Variants in BUD13 observed in about 807,000 individuals in gnomAD.
BUD13 encodes the protein BUD13 spliceosome associated protein, also known as BUD13 homolog.
A neutral mutation model predicts 62.5 loss-of-function variants in BUD13; 47 were observed. The ratio of observed to expected loss-of-function variants is 0.75; its 90% CI spans 0.60 to 0.96. The LOEUF is 0.96. BUD13 is among the 40% of genes least tolerant of loss of function. BUD13 has a pLI of 0.00. For synonymous variants in BUD13, 293 were observed against 280.1 expected, an observed-to-expected ratio of 1.05 and a Z score of -0.46; for missense variants, 821 against 790.9, an observed-to-expected ratio of 1.04 and a Z score of -0.46.
chr11:116,769,029 A>C (rs975679082), intron 2 of BUD13, among the ~76,000 whole-genome samples: 2 of 151,888 alleles, frequency 1.3e-5, no homozygotes, highest in East Asian at 3.9e-4. Context: ...AAAAAAAAAA[A>C]AAAAGAATTT....
intron 9 of BUD13, among the ~76,000 whole-genome samples, chr11:116,754,612 C>T (rs1940293482): frequency 6.6e-6 from 1 of 152,046 alleles, no homozygotes; most frequent in East Asian, 1.9e-4. Flanking sequence ...CTACAAAAAA[C>T]CTATACAGCT....
intron 9 of BUD13, among the ~76,000 whole-genome samples, chr11:116,752,341 G>A (rs967566336): frequency 3.3e-5 from 5 of 151,842 alleles, no homozygotes; most frequent in Non-Finnish European, 7.4e-5. Context: ...CCTTGCAGCA[G>A]GCCGAAAAGA....
intron 7 of BUD13, 75 bp downstream of exon 7, chr11:116,758,194 G>A: frequency 6.3e-7 from 1 of 1,575,802 alleles, no homozygotes; most frequent in Non-Finnish European, 8.6e-7. Context: ...ATAAGAAAGT[G>A]AGTGATCAGA....
intron 9 of BUD13, among the ~76,000 whole-genome samples, chr11:116,749,617 G>A (rs1940198908): frequency 6.6e-6 from 1 of 152,222 alleles, no homozygotes; most frequent in Middle Eastern, 3.2e-3. Flanking sequence ...GCTGGAACCT[G>A]AAGTATGACA....
At position 116,772,872 on chromosome 11, in the gene BUD13, A is replaced by T. The variant is rs778235448; in HGVS notation, c.93T>A (p.Gly31=). 5.7e-6 allele frequency: 9 copies of T among 1,591,896 alleles called. No individual in the cohort carries two copies. The highest frequency in any genetic ancestry group is 7.7e-6 in the Non-Finnish European group (9 of 1,170,578). ...TCGGCCGCTTTTTGCGACGCTTGCG[A>T]CCGGACTCAGATCCCCGGTCGACGC... is the stretch of plus-strand genomic sequence containing the variant. ...DAGVDRGSES[G]RKRRKKRPKP... is the part of the protein sequence containing the mutation. Residue 31 remains glycine (G), a synonymous_variant, in exon 1 of 10, where the codon GGT becomes GGA. Transcript: ENST00000260210.
Position 116,760,768 on chromosome 11 carries a change from G to C in BUD13, c.1221C>G (p.Ser407=). The part of the protein sequence containing the change: ...QRTKSSDSDL[S]PPRRSQPPGK... ...CAGGAGGCTGACTCCTTCGAGGCGG[G>C]GACAGGTCAGAATCAGAAGATTTGG... The change falls in exon 5 of 10, where the codon TCC becomes TCG. Residue 407 remains serine (S), a synonymous_variant. Transcript: ENST00000260210. 1 of 1,614,136 alleles carries C rather than the reference G, an allele frequency of 6.2e-7. No homozygotes were observed. Among genetic ancestry groups the C allele is most frequent in the Non-Finnish European group, 8.5e-7 (1 of 1,180,026 alleles).
chr11:116,760,281 C>T (rs902925897), intron 5 of BUD13, among the ~76,000 whole-genome samples: 1 of 152,188 alleles, frequency 6.6e-6, no homozygotes. Flanking sequence ...GTAGGTACTA[C>T]TATTATCCAC....
intron 2 of BUD13, among the ~76,000 whole-genome samples, chr11:116,767,868 A>T (rs1159067071): frequency 6.6e-6 from 1 of 151,584 alleles, no homozygotes; most frequent in African/African-American, 2.4e-5. Flanking sequence ...AGCTACGTGC[A>T]GGACTAAGGT....
At chr11:116,770,325 G>T (rs1250120792) in intron 1 of BUD13, 103 bp from the exon 2 acceptor site, 2 of 924,366 alleles carry the variant, frequency 2.2e-6, no homozygotes, top group African/African-American at 1.7e-5. Context: ...ACAGGATCCT[G>T]CATGGTCCAG....
In BUD13 at chr11:116,748,359, G is replaced by A. The variant is rs1217814655; in HGVS notation, c.*123C>T. ...CGAATATTCTTCTGTGGTCAAAACT[G>A]GCATTCAACAAGTTGCTGGTCTGTG... is the stretch of plus-strand genomic sequence containing the variant. On this transcript the variant is annotated 3_prime_UTR_variant, in exon 10 of 10. Coordinates refer to ENST00000260210, the MANE Select transcript of BUD13 (RefSeq NM_032725.4). The A allele has an allele frequency of 1.3e-6, 1 of 780,656 alleles. No individual in the cohort carries two copies. 48.4% of individuals were successfully genotyped at this position (780,656 alleles called of 1,614,324 possible).
chr11:116,757,370 A>T (rs544138809), intron 8 of BUD13, 143 bp from the exon 9 acceptor site: 9 of 721,462 alleles, frequency 1.2e-5, no homozygotes, highest in Non-Finnish European at 2.1e-5. Context: ...ATCTCAGCTC[A>T]CTGCAACCTC....
At chr11:116,756,576 T>A (rs1201646887) in intron 9 of BUD13, among the ~76,000 whole-genome samples, 1 of 152,080 alleles carries the variant, frequency 6.6e-6, no homozygotes, top group African/African-American at 2.4e-5. Context: ...TGCTAGATAC[T>A]AAAACAATGT....
chr11:116,755,466 A>T (rs1341344602), intron 9 of BUD13, among the ~76,000 whole-genome samples: 4 of 152,234 alleles, frequency 2.6e-5, no homozygotes, highest in Non-Finnish European at 5.9e-5. Flanking sequence ...TATTAAAAAA[A>T]TTAATATAAC....
intron 9 of BUD13, among the ~76,000 whole-genome samples, chr11:116,752,509 A>G (rs958315181): frequency 2.0e-5 from 3 of 151,874 alleles, no homozygotes; most frequent in Admixed American, 2.0e-4. Context: ...AAAAAAAACT[A>G]GGTCAGGGAG....
At chr11:116,759,857 AC>A (rs1365693830) in intron 5 of BUD13, among the ~76,000 whole-genome samples, 1 of 152,208 alleles carries the variant, frequency 6.6e-6, no homozygotes, top group Non-Finnish European at 1.5e-5. Context: ...CCCTGCCAGG[AC>A]CAGTCTTCTC....
Position 116,762,787 on chromosome 11 carries a change from G to A in BUD13, c.802C>T (p.Arg268Cys), listed in dbSNP as rs759787078. ...SSDTQQLRRA[R>C]HDSPDLAPNV... ...GGAGCCAAATCAGGGGAGTCATGACGGGCCCTTCTGAGTTGCTGTGTGTCT... is the reference window on the plus strand; with the variant it reads ...GGAGCCAAATCAGGGGAGTCATGACAGGCCCTTCTGAGTTGCTGTGTGTCT... Residue 268 changes from arginine (R) to cysteine (C), a missense_variant, in exon 4 of 10, where the codon CGT (arginine) becomes TGT (cysteine). Physicochemically the swap from Arg to Cys is radical, Grantham distance 180 (BLOSUM62 -3). This residue lies in a region of BUD13 where 800 missense variants were observed against 739.2 expected (regional missense o/e 1.08). Coordinates refer to ENST00000260210, the MANE Select transcript of BUD13 (RefSeq NM_032725.4). 48 of 1,614,006 alleles carry A rather than the reference G, an allele frequency of 3.0e-5. No individual in the cohort carries two copies. Among genetic ancestry groups the A allele is most frequent in the East Asian group, 8.9e-5 (4 of 44,890 alleles).
At chr11:116,748,645 G>C in intron 9 of BUD13, 70 bp from the exon 10 acceptor site, 1 of 1,432,760 alleles carries the variant, frequency 7.0e-7, no homozygotes, top group Non-Finnish European at 9.8e-7. Context: ...AGAAAGGGAA[G>C]AGTTCACAAT....
In BUD13 at chr11:116,772,802, C is replaced by G. The variant is rs945028753; in HGVS notation, c.143+20G>C. ...GGTGGCTAGACGTCGCAGGCCCCGCCCCGGCCGGTACCAACTCACCCCTTG... is the reference window on the plus strand; with the variant it reads ...GGTGGCTAGACGTCGCAGGCCCCGCGCCGGCCGGTACCAACTCACCCCTTG... On this transcript the variant is annotated intron_variant, in intron 1 of 9. Transcript: ENST00000260210. 1 of 1,538,300 alleles carries G rather than the reference C, an allele frequency of 6.5e-7. No homozygotes were observed. Among genetic ancestry groups the G allele is most frequent in the Non-Finnish European group, 8.7e-7 (1 of 1,145,170 alleles).
At chr11:116,769,300 T>C (rs1940583383) in intron 2 of BUD13, among the ~76,000 whole-genome samples, 1 of 152,240 alleles carries the variant, frequency 6.6e-6, no homozygotes, top group Non-Finnish European at 1.5e-5. Context: ...TGGTACTTGG[T>C]ACGTATGTGA....
Sources: gnomAD v4.1 joint callset for allele counts (sites outside exome capture counted in the v4.1 genomes callset) on GRCh38, gnomAD v4.1.1 for gene constraint, gnomAD v4.1.1 regional missense constraint, MANE v1.5 for transcripts, NCBI Gene and HGNC (gene_info 2026-07-23, HGNC 2026-07-21) for gene names.